The following TUT4 variants were observed in gnomAD, a reference collection of about 807,000 sequenced individuals.
TUT4 encodes the protein terminal uridylyl transferase 4.
TUT4 carries 36 observed loss-of-function variants against 192.2 expected under a neutral mutation model. The ratio of observed to expected loss-of-function variants is 0.19; its 90% CI spans 0.14 to 0.25. The LOEUF is 0.25. Among genes scored for constraint, TUT4 ranks in the 10% least tolerant of loss-of-function variants. The pLI, the probability that TUT4 is intolerant of heterozygous loss-of-function variation, is 1.00. For synonymous variants in TUT4, 618 were observed against 666.0 expected (o/e 0.93, Z 1.11); for missense variants, 1,493 against 1,957.2 (o/e 0.76, Z 4.47).
At chr1:52,502,959 C>T (rs1035104107) in intron 4 of TUT4, among the ~76,000 whole-genome samples, 1 of 152,078 alleles carries the variant, frequency 6.6e-6, no homozygotes, top group African/African-American at 2.4e-5. Context: ...ACACTAACAG[C>T]AACAACTATC....
intron 2 of TUT4, among the ~76,000 whole-genome samples, chr1:52,518,172 A>G (rs1679222237): frequency 6.6e-6 from 1 of 152,232 alleles, no homozygotes; most frequent in Non-Finnish European, 1.5e-5. Context: ...CACAATAGCC[A>G]AAGATGGAAA....
intron 4 of TUT4, among the ~76,000 whole-genome samples, chr1:52,505,466 G>C (rs1482339919): frequency 1.5e-5 from 2 of 136,836 alleles, no homozygotes; most frequent in East Asian, 4.2e-4. Context: ...CTGCCACCCA[G>C]GCTGGAGTGC....
chr1:52,509,573 A>C, intron 4 of TUT4, 23 bp downstream of exon 4: 1 of 1,204,064 alleles, frequency 8.3e-7, no homozygotes, highest in Non-Finnish European at 1.2e-6. Flanking sequence ...AATAAATAAA[A>C]GTATTTTTTA....
intron 1 of TUT4, among the ~76,000 whole-genome samples, chr1:52,535,449 T>G (rs1453032031): frequency 6.6e-6 from 1 of 152,212 alleles, no homozygotes; most frequent in African/African-American, 2.4e-5. Flanking sequence ...AGACCACTAA[T>G]ATTCAGAACA....
At chr1:52,425,687 T>C (rs1428929131) in intron 28 of TUT4, among the ~76,000 whole-genome samples, 180 bp from the exon 29 acceptor site, 1 of 152,124 alleles carries the variant, frequency 6.6e-6, no homozygotes, top group African/African-American at 2.4e-5. Context: ...AAATTATTCA[T>C]AAGAGACATA....
chr1:52,431,754 T>C (rs1652146395), intron 27 of TUT4: 1 of 200,002 alleles, frequency 5.0e-6, no homozygotes, highest in Non-Finnish European at 1.0e-5. Flanking sequence ...GTCACTTTCA[T>C]TCAGTCCCTC....
rs189440832 is a variant in TUT4 at position 52,465,583 on chromosome 1, C to T, written c.2966-410G>A. On this transcript the variant is annotated intron_variant, in intron 15 of 29. Transcript: ENST00000257177. Reference sequence around the variant, plus strand: ...AATCATTGAGACTTTTAGCTTTTTCCGACTTACATAATAAATCCATCTGCT... The same window carrying T: ...AATCATTGAGACTTTTAGCTTTTTCTGACTTACATAATAAATCCATCTGCT... 5.3e-5 allele frequency among the ~76,000 whole-genome samples: 8 copies of T among 152,292 alleles called. No individual in the cohort carries two copies. In the East Asian group the frequency reaches 1.2e-3, roughly 22 times the overall value.
intron 1 of TUT4, among the ~76,000 whole-genome samples, chr1:52,539,774 G>C (rs1463108033): frequency 6.6e-6 from 1 of 151,734 alleles, no homozygotes; most frequent in Non-Finnish European, 1.5e-5. Context: ...GGGAGTGGTG[G>C]CTCACGTCTA....
intron 28 of TUT4, among the ~76,000 whole-genome samples, chr1:52,429,207 C>T (rs1314533307): frequency 2.0e-5 from 3 of 151,316 alleles, no homozygotes; most frequent in Non-Finnish European, 4.4e-5. Flanking sequence ...CCTCAGCCTC[C>T]CGAGTAGCTG....
chr1:52,495,406 G>A, intron 6 of TUT4, 21 bp downstream of exon 6: 2 of 1,476,224 alleles, frequency 1.4e-6, no homozygotes, highest in Non-Finnish European at 9.4e-7. Context: ...GAACCACACA[G>A]GAAAGATTCT....
At chr1:52,465,885 TTA>T (rs1663971340) in intron 15 of TUT4, among the ~76,000 whole-genome samples, 1 of 152,222 alleles carries the variant, frequency 6.6e-6, no homozygotes, top group South Asian at 2.1e-4. Context: ...TTTTTTTTTT[TTA>T]GAGACAGGGT....
At chr1:52,509,786 A>T in intron 3 of TUT4, 74 bp from the exon 4 acceptor site, 1 of 856,762 alleles carries the variant, frequency 1.2e-6, no homozygotes. Context: ...ATAAGTGAAT[A>T]ATACAATTAT....
intron 28 of TUT4, among the ~76,000 whole-genome samples, chr1:52,429,414 T>C (rs1651239504): frequency 6.6e-6 from 1 of 151,502 alleles, no homozygotes; most frequent in South Asian, 2.1e-4. Context: ...GGCACAGTGG[T>C]GTGTGCCTGT....
intron 1 of TUT4, among the ~76,000 whole-genome samples, chr1:52,530,881 T>C (rs1004503404): frequency 1.3e-5 from 2 of 152,078 alleles, no homozygotes; most frequent in Non-Finnish European, 2.9e-5. Flanking sequence ...TATGCGCCTG[T>C]AGTTTCAGCT....
At chr1:52,500,401 G>C (rs974980281) in intron 4 of TUT4, among the ~76,000 whole-genome samples, 2 of 152,332 alleles carry the variant, frequency 1.3e-5, no homozygotes, top group East Asian at 3.9e-4. Flanking sequence ...GCCAAGGCAG[G>C]AGGACTGCTG....
At chr1:52,424,348 G>C (rs1464308538) in intron 29 of TUT4, 1 of 278,768 alleles carries the variant, frequency 3.6e-6, no homozygotes, top group East Asian at 8.6e-5. Context: ...CACAGTCAAG[G>C]CTCTGCCACT....
Position 52,446,335 on chromosome 1 carries a change from A to G in TUT4, c.3621T>C (p.Ile1207=). 2 of 1,613,984 alleles carry G rather than the reference A, an allele frequency of 1.2e-6. No individual in the cohort carries two copies. Among genetic ancestry groups the G allele is most frequent in the South Asian group, 1.1e-5 (1 of 91,058 alleles). Reference sequence around the variant, plus strand: ...TCAACAGCTTTTTCTGCCGAATGCTAATTACATATTCCTTGAAATCAAACT... The same window carrying G: ...TCAACAGCTTTTTCTGCCGAATGCTGATTACATATTCCTTGAAATCAAACT... ...TEEFDFKEYV[I]SIRQKKLLTT... is the part of the protein sequence containing the mutation. The change falls in exon 22 of 30, where the codon ATT becomes ATC. Residue 1207 remains isoleucine, a synonymous_variant. Transcript: ENST00000257177.
chr1:52,472,596 AAATT>A (rs1228650125), intron 13 of TUT4, among the ~76,000 whole-genome samples: 2 of 151,198 alleles, frequency 1.3e-5, no homozygotes, highest in African/African-American at 4.8e-5. Context: ...AATATTTAAT[AAATT>A]ATTAAACTAA....
At chr1:52,541,136 G>T (rs1466659025) in intron 1 of TUT4, among the ~76,000 whole-genome samples, 6 of 151,670 alleles carry the variant, frequency 4.0e-5, no homozygotes, top group Non-Finnish European at 8.8e-5. Flanking sequence ...AACCCAGGAG[G>T]AGGCAGAGGT....
Sources: allele counts gnomAD v4.1 joint callset (sites outside exome capture counted in the v4.1 genomes callset), GRCh38; gene constraint gnomAD v4.1.1; transcripts MANE v1.5; gene names NCBI Gene and HGNC (gene_info 2026-07-23, HGNC 2026-07-21).